CEACAM4: variants seen among roughly 807,000 people sequenced by gnomAD.
The protein encoded by CEACAM4 is CEA cell adhesion molecule 4.
Under a neutral mutation model 28.7 loss-of-function variants are expected in CEACAM4, and 30 were observed. That is an observed-to-expected ratio of 1.05 (90% CI 0.78 to 1.42). CEACAM4 has a LOEUF of 1.42. CEACAM4 is among the 40% of genes most tolerant of loss of function. CEACAM4 has a pLI of 0.00. For missense variants in CEACAM4, 330 were observed against 308.2 expected, an observed-to-expected ratio of 1.07 and a Z score of -0.53; for synonymous variants, 143 against 126.5, an observed-to-expected ratio of 1.13 and a Z score of -0.87.
At chr19:41,614,971 AGGGAAG>A (rs1278528042), downstream of CEACAM4, among the ~76,000 whole-genome samples, 21 of 138,122 alleles carry the variant, frequency 1.5e-4, no homozygotes, top group Admixed American at 4.4e-4. Context: ...GGAGGGGAAA[AGGGAAG>A]GGGAAGGGGA....
chr19:41,621,741 C>G lies in CEACAM4; in HGVS notation c.452G>C (p.Gly151Ala). 1 of 1,612,238 alleles carries G rather than the reference C, an allele frequency of 6.2e-7. No homozygotes were observed. Among genetic ancestry groups the G allele is most frequent in the Non-Finnish European group, 8.5e-7 (1 of 1,178,456 alleles). ...HQNNVPGLPV[G>A]AVAGIVTGVL... ...CCCAGTCACGATGCCAGCGACGGCC[C>G]CCACAGGAAGGCCTGGGACGTTGTT... Residue 151 changes from glycine to alanine, a missense_variant, in exon 3 of 7, where the codon GGG (glycine) becomes GCG (alanine). Coordinates refer to ENST00000221954, the MANE Select transcript of CEACAM4 (RefSeq NM_001817.4).
At chr19:41,619,832 TC>T (rs1568645779) in intron 5 of CEACAM4, 121 bp from the exon 6 acceptor site, 3 of 835,338 alleles carry the variant, frequency 3.6e-6, no homozygotes, top group Non-Finnish European at 5.5e-6. Flanking sequence ...TCCACTCATT[TC>T]CCCTCAGGAT....
chr19:41,623,419 ATTTTTTTT>A lies in CEACAM4; in HGVS notation c.425-1659_425-1652del, dbSNP rs57004828. The stretch of plus-strand genomic sequence containing the variant: ...ATGCTTGTTCTGTCTTTCGAACTGC[ATTTTTTTT>A]TTTTTTTTTTTTTTTGCCTCTAGTC... On this transcript the variant is annotated intron_variant, in intron 2 of 6. Transcript: ENST00000221954. 3.9e-3 allele frequency among the ~76,000 whole-genome samples: 411 copies of A among 105,064 alleles called. 1 individual carries two copies. The highest frequency in any genetic ancestry group is 0.017 in the East Asian group (68 of 4,118). 68.9% of individuals were successfully genotyped at this position (105,064 alleles called of 152,430 possible).
downstream of CEACAM4, among the ~76,000 whole-genome samples, chr19:41,614,228 T>C (rs536887565): frequency 1.4e-4 from 22 of 152,320 alleles, no homozygotes; most frequent in East Asian, 3.7e-3. Flanking sequence ...CATACACACA[T>C]CTCTACCATG....
chr19:41,618,242 G>C (rs1555799426), downstream of CEACAM4, among the ~76,000 whole-genome samples: 1 of 152,142 alleles, frequency 6.6e-6, no homozygotes, highest in Non-Finnish European at 1.5e-5. Flanking sequence ...ATGGGAGCCT[G>C]CATGAGCTTT....
rs556803136 is a variant in CEACAM4 at position 41,626,824 on chromosome 19, T to G, written c.64+76A>C. 6.7e-6 allele frequency: 9 copies of G among 1,338,852 alleles called. No homozygotes were observed. The South Asian group carries it at 1.1e-4, about 16-fold the overall frequency. The allele number at this position is 1,338,852 out of a possible 1,614,324, so 82.9% of individuals were successfully genotyped here. On this transcript the variant is annotated intron_variant, in intron 1 of 6. Coordinates refer to ENST00000221954, the MANE Select transcript of CEACAM4 (RefSeq NM_001817.4). ...GGAGACCCCAGCCAGAAGCCCTCTA[T>G]CCCCTCCTACCCAAGAGACCCCAGT... is the stretch of plus-strand genomic sequence containing the variant.
Sources: allele counts gnomAD v4.1 joint callset (sites outside exome capture counted in the v4.1 genomes callset), GRCh38; gene constraint gnomAD v4.1.1; transcripts MANE v1.5; gene names NCBI Gene and HGNC (gene_info 2026-07-23, HGNC 2026-07-21).